Variants in PARD3B observed in about 807,000 individuals in gnomAD.
The protein encoded by PARD3B is partitioning defective 3 homolog B.
Under a neutral mutation model 130.2 loss-of-function variants are expected in PARD3B, and 103 were observed. The ratio of observed to expected loss-of-function variants is 0.79; its 90% CI spans 0.67 to 0.93. The LOEUF is 0.93. Among genes scored for constraint, PARD3B ranks in the 40% least tolerant of loss-of-function variants. PARD3B has a pLI of 0.00. For synonymous variants in PARD3B, 583 were observed against 553.2 expected (o/e 1.05, Z -0.76); for missense variants, 1,609 against 1,499.2 (o/e 1.07, Z -1.21).
rs2037257243 is a variant in PARD3B at position 204,689,496 on chromosome 2, A to C, written c.222+3214A>C. Among the ~76,000 whole-genome samples the C allele has an allele frequency of 6.6e-6, 1 of 152,152 alleles. No individual in the cohort carries two copies. The highest frequency in any genetic ancestry group is 2.4e-5 in the African/African-American group (1 of 41,440). ...CTCAAGATTCTTCAGTTTGTCTATC[A>C]GTCTGATGATTCGAGTTCTTTGGGA... On this transcript the variant is annotated intron_variant, in intron 2 of 22. Transcript: ENST00000406610. This position sits in a 1 kb window ranked among gnomAD's most constrained non-coding sequence, Gnocchi z 5.2.
intron 2 of PARD3B, among the ~76,000 whole-genome samples, chr2:204,877,144 C>T (rs1030451338): frequency 6.6e-6 from 1 of 151,976 alleles, no homozygotes; most frequent in Admixed American, 6.6e-5. Context: ...GTCGCAAGGA[C>T]AGAAAACCGA....
chr2:205,131,901 G>T (rs749633503), intron 10 of PARD3B, among the ~76,000 whole-genome samples: 6 of 152,128 alleles, frequency 3.9e-5, no homozygotes, highest in Non-Finnish European at 5.9e-5. Flanking sequence ...GAGGGTACCA[G>T]TAAGGAGCTT....
chr2:204,968,827 G>A (rs1691466118), intron 3 of PARD3B, among the ~76,000 whole-genome samples: 1 of 152,174 alleles, frequency 6.6e-6, no homozygotes, highest in South Asian at 2.1e-4. Context: ...ACATAAAGGG[G>A]TTCATAGTCT....
At chr2:204,827,154 A>T (rs1307504277) in intron 2 of PARD3B, among the ~76,000 whole-genome samples, 1 of 152,226 alleles carries the variant, frequency 6.6e-6, no homozygotes, top group Non-Finnish European at 1.5e-5. Flanking sequence ...GACTGTCATT[A>T]TTTGTGTAAA....
rs114759745 is a variant in PARD3B at position 205,432,192 on chromosome 2, A to G, written c.2742-8178A>G. Among the ~76,000 whole-genome samples, 1,040 of 152,234 alleles carry G rather than the reference A, an allele frequency of 6.8e-3. 14 individuals are homozygous for G. Among genetic ancestry groups the G allele is most frequent in the African/African-American group, 0.024 (977 of 41,540 alleles). On this transcript the variant is annotated intron_variant, in intron 19 of 22. Transcript: ENST00000406610. ...CAATTGCTTCTTACCATCTCCAGTG[A>G]TACACCTGTATGGACAACCACCACC...
chr2:204,714,292 T>A (rs1477959917), intron 2 of PARD3B, among the ~76,000 whole-genome samples: 1 of 152,208 alleles, frequency 6.6e-6, no homozygotes, highest in Non-Finnish European at 1.5e-5. Flanking sequence ...AGCATTTGTG[T>A]ACATTAGTAC....
intron 4 of PARD3B, among the ~76,000 whole-genome samples, chr2:205,083,570 A>C (rs1365141362): frequency 1.3e-5 from 2 of 151,010 alleles, no homozygotes; most frequent in Non-Finnish European, 3.0e-5. Flanking sequence ...TATGTTTATC[A>C]GTCTTACCAT....
chr2:205,215,150 G>A (rs2037842122), intron 15 of PARD3B, among the ~76,000 whole-genome samples: 1 of 152,006 alleles, frequency 6.6e-6, no homozygotes, highest in African/African-American at 2.4e-5. Flanking sequence ...GTGTGTAAGA[G>A]AAATACTTGG....
Position 205,589,609 on chromosome 2 carries a change from T to C in PARD3B, c.3261-25847T>C, listed in dbSNP as rs983050302. Among the ~76,000 whole-genome samples, 1 of 152,212 alleles carries C rather than the reference T, an allele frequency of 6.6e-6. No homozygotes were observed. The highest frequency in any genetic ancestry group is 2.4e-5 in the African/African-American group (1 of 41,456). ...TCCCTTGGGTCTGAGCAGGCAAGAC[T>C]TGTCTTGGCATGTTTTCTATTTATA... On this transcript the variant is annotated intron_variant, in intron 22 of 22. Coordinates refer to ENST00000406610, the MANE Select transcript of PARD3B (RefSeq NM_001302769.2). This position sits in a 1 kb window ranked among gnomAD's most constrained non-coding sequence, Gnocchi z 4.1.
At chr2:205,032,139 C>T (rs1353443307) in intron 3 of PARD3B, among the ~76,000 whole-genome samples, 2 of 152,086 alleles carry the variant, frequency 1.3e-5, no homozygotes, top group Non-Finnish European at 2.9e-5. Flanking sequence ...TTTTGATTCA[C>T]ATTGAATTTG....
At chr2:205,518,389 T>G (rs1396168403) in intron 21 of PARD3B, among the ~76,000 whole-genome samples, 1 of 152,266 alleles carries the variant, frequency 6.6e-6, no homozygotes, top group South Asian at 2.1e-4. Context: ...TTGTGTTAAA[T>G]TAGGATTGCA....
chr2:204,872,666 T>C lies in PARD3B; in HGVS notation c.223-92486T>C, dbSNP rs562201978. On this transcript the variant is annotated intron_variant, in intron 2 of 22. Transcript: ENST00000406610. ...ACCTACTTTGAGAATCTAATTGTAA[T>C]AAATTCTTCTGTGTGTTTCTCTAAT... 3.3e-5 allele frequency among the ~76,000 whole-genome samples: 5 copies of C among 152,350 alleles called. No homozygotes were observed. The South Asian group carries it at 1.0e-3, about 32-fold the overall frequency.
intron 18 of PARD3B, among the ~76,000 whole-genome samples, chr2:205,380,952 A>C (rs1574863931): frequency 3.1e-5 from 2 of 63,738 alleles, no homozygotes; most frequent in South Asian, 4.6e-4. Flanking sequence ...ATAATATATA[A>C]TGTATATAAT....
At chr2:205,210,958 T>C (rs1038766868) in intron 15 of PARD3B, among the ~76,000 whole-genome samples, 1 of 152,100 alleles carries the variant, frequency 6.6e-6, no homozygotes, top group African/African-American at 2.4e-5. Flanking sequence ...GGAAAATAGA[T>C]ACTTTGCTTT....
intron 22 of PARD3B, among the ~76,000 whole-genome samples, chr2:205,574,950 C>T (rs895764434): frequency 2.0e-5 from 3 of 151,636 alleles, no homozygotes; most frequent in Non-Finnish European, 4.4e-5. Flanking sequence ...ATCTGTCCTC[C>T]ACAGAAAGGT....
At chr2:204,825,574 TAGC>T (rs771500863) in intron 2 of PARD3B, among the ~76,000 whole-genome samples, 2 of 152,350 alleles carry the variant, frequency 1.3e-5, no homozygotes, top group Non-Finnish European at 2.9e-5. Flanking sequence ...TCATTGCACA[TAGC>T]AGCAATATTT....
chr2:205,073,403 G>GTA (rs1700860481), intron 4 of PARD3B, among the ~76,000 whole-genome samples: 1 of 152,082 alleles, frequency 6.6e-6, no homozygotes, highest in Non-Finnish European at 1.5e-5. Flanking sequence ...TTGCTTTGAA[G>GTA]TAAGAAACCA....
chr2:205,476,141 A>G (rs1403885871), intron 20 of PARD3B, among the ~76,000 whole-genome samples: 3 of 152,206 alleles, frequency 2.0e-5, no homozygotes, highest in Non-Finnish European at 2.9e-5. Flanking sequence ...AGTGTCCACA[A>G]GCTGGATTTA....
At chr2:205,248,826 T>C (rs1414880810) in intron 16 of PARD3B, among the ~76,000 whole-genome samples, 11 of 151,512 alleles carry the variant, frequency 7.3e-5, no homozygotes, top group East Asian at 2.0e-4. Context: ...CCAGGATGGT[T>C]TCGATCTCCT....
Sources: allele counts gnomAD v4.1 joint callset (sites outside exome capture counted in the v4.1 genomes callset), GRCh38; gene constraint gnomAD v4.1.1; non-coding constraint Gnocchi (gnomAD v3.1); transcripts MANE v1.5; gene names NCBI Gene and HGNC (gene_info 2026-07-23, HGNC 2026-07-21).